Variants in THADA observed in about 807,000 individuals in gnomAD.
THADA encodes THADA armadillo repeat containing, also known as tRNA (32-2'-O)-methyltransferase regulator THADA.
THADA carries 213 observed loss-of-function variants against 219.8 expected under a neutral mutation model. The observed-to-expected ratio is 0.97, with a 90% confidence interval of 0.87 to 1.09. The LOEUF is 1.09. Ranked by LOEUF, THADA falls within the 50% of genes least tolerant of loss-of-function variation. The probability of loss-of-function intolerance (pLI) is 0.00; values close to 1 mark genes in which losing one functional copy is unlikely to be tolerated. For synonymous variants in THADA, 1,018 were observed against 828.9 expected (o/e 1.23, Z -3.92); for missense variants, 2,956 against 2,311.3 (o/e 1.28, Z -5.72).
chr2:43,287,941 A>C (rs1412973462), intron 34 of THADA, among the ~76,000 whole-genome samples: 1 of 152,232 alleles, frequency 6.6e-6, no homozygotes, highest in Non-Finnish European at 1.5e-5. Context: ...TGCTGGCTAA[A>C]CAAGGACAAG....
At chr2:43,272,622 G>GCT (rs769615582) in intron 36 of THADA, among the ~76,000 whole-genome samples, 12 of 133,022 alleles carry the variant, frequency 9.0e-5, no homozygotes, top group Admixed American at 7.4e-4. Flanking sequence ...TTGGTTTTGT[G>GCT]CTTTTTTTTT....
chr2:43,515,965 T>C (rs1054564222), intron 22 of THADA, among the ~76,000 whole-genome samples: 4 of 152,066 alleles, frequency 2.6e-5, no homozygotes, highest in Admixed American at 1.3e-4. Context: ...GTCTTGCCCA[T>C]CCTAATAAAA....
chr2:43,523,424 A>G (rs1010979708), intron 22 of THADA, among the ~76,000 whole-genome samples: 3 of 152,186 alleles, frequency 2.0e-5, no homozygotes, highest in Non-Finnish European at 4.4e-5. Flanking sequence ...TTTCATTCAA[A>G]GCTGAATGAC....
Position 43,489,874 on chromosome 2 carries a change from C to CAAAAAAAAAAAAAAAAAAAAAA in THADA, c.3745-4550_3745-4549insTTTTTTTTTTTTTTTTTTTTTT, listed in dbSNP as rs201735523. Among the ~76,000 whole-genome samples, 129 of 56,028 alleles carry CAAAAAAAAAAAAAAAAAAAAAA rather than the reference C, an allele frequency of 2.3e-3. 7 individuals are homozygous for CAAAAAAAAAAAAAAAAAAAAAA. The highest frequency in any genetic ancestry group is 6.5e-3 in the South Asian group (9 of 1,376). 36.8% of individuals were successfully genotyped at this position (56,028 alleles called of 152,430 possible). A position where few individuals can be genotyped will look rare whatever the true frequency, so the allele number is the denominator to read the frequency against. The stretch of plus-strand genomic sequence containing the variant: ...ATTTCCATATGTATTTTAAGATCTG[C>CAAAAAAAAAAAAAAAAAAAAAA]AAAAAAAAAAAAAAAAAAAAGCTAG... On this transcript the variant is annotated intron_variant, in intron 25 of 37. Transcript: ENST00000405975.
intron 25 of THADA, among the ~76,000 whole-genome samples, 194 bp downstream of exon 25, chr2:43,498,639 A>T (rs958891462): frequency 1.3e-5 from 2 of 152,208 alleles, no homozygotes; most frequent in African/African-American, 2.4e-5. Flanking sequence ...AAAGATGGCT[A>T]ACAAGCCAAC....
chr2:43,565,729 C>G (rs571264368), intron 15 of THADA: 3 of 152,228 alleles, frequency 2.0e-5, no homozygotes, highest in Non-Finnish European at 4.4e-5. Flanking sequence ...TGACCACAGT[C>G]AACGAAGACA....
At chr2:43,260,077 G>A (rs1396941164) in intron 36 of THADA, among the ~76,000 whole-genome samples, 7 of 151,934 alleles carry the variant, frequency 4.6e-5, no homozygotes, top group Admixed American at 2.6e-4. Context: ...TATGCCTCCC[G>A]GGTTCAAGCA....
At chr2:43,590,728 ATCAGT>A in intron 4 of THADA, 91 bp downstream of exon 4, 1 of 1,286,466 alleles carries the variant, frequency 7.8e-7, no homozygotes, top group East Asian at 2.4e-5. Context: ...TGTGATCTGT[ATCAGT>A]TCAGTTTTAT....
intron 24 of THADA, among the ~76,000 whole-genome samples, chr2:43,501,851 G>A (rs1046247712): frequency 3.9e-5 from 6 of 152,170 alleles, no homozygotes; most frequent in African/African-American, 1.2e-4. Flanking sequence ...GGCTGAGGTG[G>A]GAGAATAGCT....
Position 43,498,754 on chromosome 2 carries a change from AC to A in THADA, c.3744+78del, listed in dbSNP as rs1172026197. On this transcript the variant is annotated intron_variant, in intron 25 of 37. Transcript: ENST00000405975. ...TAAAGGGCAGGAAATATTTTTTATC[AC>A]CCAGTGAAAGATTAGTTTATTAAAA... 8.8e-6 allele frequency: 12 copies of A among 1,369,696 alleles called. No individual in the cohort carries two copies. In the African/African-American group the frequency reaches 1.2e-4, roughly 13 times the overall value. 84.8% of individuals were successfully genotyped at this position (1,369,696 alleles called of 1,614,324 possible). A position where few individuals can be genotyped will look rare whatever the true frequency, so the allele number is the denominator to read the frequency against.
Position 43,586,894 on chromosome 2 carries a change from A to G in THADA, c.411T>C (p.Val137=). Residue 137 remains valine, a synonymous_variant, in exon 5 of 38, where the codon GTT becomes GTC. Transcript: ENST00000405975. The stretch of plus-strand genomic sequence containing the variant: ...CCATACAGGAAGAAATATTGTCAGT[A>G]ACTTTCCTGTAAGAGTATAAGTCAG... ...NTTDLYSYRK[V]TDNISSCMEN... 1 of 1,613,946 alleles carries G rather than the reference A, an allele frequency of 6.2e-7. No individual in the cohort carries two copies. The highest frequency in any genetic ancestry group is 8.5e-7 in the Non-Finnish European group (1 of 1,179,860).
At chr2:43,501,340 G>A (rs111782403) in intron 24 of THADA, among the ~76,000 whole-genome samples, 1,418 of 47,774 alleles carry the variant, frequency 0.03, 16 homozygotes, top group African/African-American at 0.065. Flanking sequence ...AAAAAAAAAA[G>A]AGAGACTTTT....
intron 31 of THADA, among the ~76,000 whole-genome samples, chr2:43,308,744 T>A (rs1220395079): frequency 8.0e-5 from 7 of 87,692 alleles, no homozygotes; most frequent in African/African-American, 3.6e-4. Flanking sequence ...TGCTGAAACA[T>A]TGGATACCCA....
chr2:43,231,473 G>C (rs1460780161), intron 37 of THADA, 130 bp from the exon 38 acceptor site: 4 of 865,814 alleles, frequency 4.6e-6, no homozygotes, highest in Non-Finnish European at 6.7e-6. Flanking sequence ...GTGCACTCTT[G>C]CCTGTCAACA....
intron 25 of THADA, among the ~76,000 whole-genome samples, chr2:43,498,480 A>G (rs919202911): frequency 6.6e-6 from 1 of 152,240 alleles, no homozygotes; most frequent in Non-Finnish European, 1.5e-5. Context: ...ATAACAGCAC[A>G]TAGATTGGGA....
intron 36 of THADA, among the ~76,000 whole-genome samples, chr2:43,253,125 A>G (rs892732368): frequency 6.6e-6 from 1 of 152,216 alleles, no homozygotes; most frequent in African/African-American, 2.4e-5. Flanking sequence ...GCTTGAAGAC[A>G]GATCAGGGTC....
intron 28 of THADA, among the ~76,000 whole-genome samples, chr2:43,420,835 T>C (rs1677617717): frequency 6.6e-6 from 1 of 152,170 alleles, no homozygotes; most frequent in Non-Finnish European, 1.5e-5. Context: ...AAAACATAAT[T>C]TCATACTACA....
At chr2:43,346,788 C>T (rs185743502) in intron 29 of THADA, among the ~76,000 whole-genome samples, 1 of 152,232 alleles carries the variant, frequency 6.6e-6, no homozygotes, top group South Asian at 2.1e-4. Flanking sequence ...CATGAAAAAT[C>T]AATAGCTTTC....
chr2:43,397,932 T>C lies in THADA; in HGVS notation c.4227+39A>G, dbSNP rs772277518. ...ACATAAGAAACCAAAGTTCATCTTA[T>C]GGTGTTTGACAGAAGTCACACAAAG... On this transcript the variant is annotated intron_variant, in intron 29 of 37. Transcript: ENST00000405975. The C allele has an allele frequency of 1.6e-5, 26 of 1,605,448 alleles. No individual in the cohort carries two copies. In the East Asian group the frequency reaches 2.5e-4, roughly 15 times the overall value.
Sources: gnomAD v4.1 joint callset for allele counts (sites outside exome capture counted in the v4.1 genomes callset) on GRCh38, gnomAD v4.1.1 for gene constraint, MANE v1.5 for transcripts, NCBI Gene and HGNC (gene_info 2026-07-23, HGNC 2026-07-21) for gene names.